The following DISP1 variants were observed in gnomAD, a reference collection of about 807,000 sequenced individuals.
DISP1 encodes protein dispatched homolog 1.
A neutral mutation model predicts 37.3 loss-of-function variants in DISP1; 30 were observed. The ratio of observed to expected loss-of-function variants is 0.80; its 90% CI spans 0.60 to 1.09. The LOEUF is 1.09. Ranked by LOEUF, DISP1 falls within the 50% of genes least tolerant of loss-of-function variation. The pLI is 0.00. For missense variants in DISP1, 1,598 were observed against 1,879.5 expected (o/e 0.85, Z 2.77); for synonymous variants, 634 against 690.2 (o/e 0.92, Z 1.28).
chr1:222,999,065 A>C (rs1679266659), intron 8 of DISP1, among the ~76,000 whole-genome samples: 1 of 152,104 alleles, frequency 6.6e-6, no homozygotes, highest in African/African-American at 2.4e-5. Flanking sequence ...AACTTAGCCA[A>C]TAGTTTTAAA....
intron 8 of DISP1, among the ~76,000 whole-genome samples, chr1:222,998,215 A>T (rs1279764469): frequency 6.6e-6 from 1 of 151,442 alleles, no homozygotes; most frequent in East Asian, 2.0e-4. Context: ...TTGTCCTAAG[A>T]CTACTTGGCA....
At chr1:222,988,952 C>T (rs1678483234) in intron 4 of DISP1, among the ~76,000 whole-genome samples, 1 of 152,186 alleles carries the variant, frequency 6.6e-6, no homozygotes, top group Non-Finnish European at 1.5e-5. Context: ...TGTGTCTGGC[C>T]TTTTAAGATT....
rs572395032 is a variant in DISP1, at chr1:222,955,315, C to T, written c.509+11983C>T. 3.0e-4 allele frequency among the ~76,000 whole-genome samples: 45 copies of T among 152,148 alleles called. No individual in the cohort carries two copies. The South Asian group carries it at 9.3e-3, about 32-fold the overall frequency. ...GGCCAGGCTGGTCTCAAACTCCTGACCTCAAGTGATCTACCTGCCTCGACC... is the reference window on the plus strand; with the variant it reads ...GGCCAGGCTGGTCTCAAACTCCTGATCTCAAGTGATCTACCTGCCTCGACC... On this transcript the variant is annotated intron_variant, in intron 3 of 8. Coordinates refer to ENST00000675850, the MANE Select transcript of DISP1 (RefSeq NM_001377229.1).
intron 1 of DISP1, among the ~76,000 whole-genome samples, chr1:222,876,888 TA>T (rs1489112622): frequency 6.6e-6 from 1 of 152,104 alleles, no homozygotes; most frequent in African/African-American, 2.4e-5. Flanking sequence ...AAAAAGCAAA[TA>T]AGACAAAATG....
intron 1 of DISP1, among the ~76,000 whole-genome samples, chr1:222,867,327 C>T (rs114112640): frequency 2.7e-3 from 413 of 152,236 alleles, no homozygotes; most frequent in African/African-American, 9.7e-3. Context: ...GATTTTTAGA[C>T]ATGCTGCTTC....
chr1:222,928,174 C>A (rs1281834215), intron 1 of DISP1, among the ~76,000 whole-genome samples: 1 of 152,160 alleles, frequency 6.6e-6, no homozygotes, highest in African/African-American at 2.4e-5. Context: ...GAAGTTATAA[C>A]TAAAAACAGT....
chr1:222,886,996 G>A (rs1449861645), intron 1 of DISP1, among the ~76,000 whole-genome samples: 1 of 152,176 alleles, frequency 6.6e-6, no homozygotes, highest in African/African-American at 2.4e-5. Context: ...CATTTCTGGG[G>A]AGGGTTTGTT....
chr1:222,946,571 T>G (rs1674797121), intron 3 of DISP1, among the ~76,000 whole-genome samples: 1 of 152,198 alleles, frequency 6.6e-6, no homozygotes, highest in Non-Finnish European at 1.5e-5. Context: ...GTTTACTGAA[T>G]TCTTATATGT....
intron 1 of DISP1, among the ~76,000 whole-genome samples, chr1:222,924,271 C>T (rs114323386): frequency 0.01 from 1,567 of 152,126 alleles, 23 homozygotes; most frequent in African/African-American, 0.036. Context: ...TTAAATAATC[C>T]AGGTTTGAGT....
chr1:222,903,612 G>A (rs755824741), intron 1 of DISP1, among the ~76,000 whole-genome samples: 5 of 151,906 alleles, frequency 3.3e-5, no homozygotes, highest in Admixed American at 6.6e-5. Context: ...GTGATGAGAG[G>A]GAAAACAAAG....
intron 1 of DISP1, among the ~76,000 whole-genome samples, chr1:222,817,399 A>G (rs1204970432): frequency 1.3e-5 from 2 of 152,246 alleles, no homozygotes; most frequent in Non-Finnish European, 2.9e-5. Flanking sequence ...AGTTTGTAAA[A>G]TACGAAATAA....
intron 1 of DISP1, among the ~76,000 whole-genome samples, chr1:222,903,101 C>T (rs1671690808): frequency 6.6e-6 from 1 of 151,588 alleles, no homozygotes; most frequent in Non-Finnish European, 1.5e-5. Context: ...CACATATACA[C>T]CATGGAATAC....
intron 1 of DISP1, among the ~76,000 whole-genome samples, chr1:222,859,814 ACT>A (rs1410915891): frequency 1.3e-5 from 2 of 152,154 alleles, no homozygotes; most frequent in Non-Finnish European, 2.9e-5. Flanking sequence ...CTCCTAGTTG[ACT>A]CTGTAACCTA....
At chr1:222,917,827 TATGGG>T (rs1324511975) in intron 1 of DISP1, among the ~76,000 whole-genome samples, 2 of 151,884 alleles carry the variant, frequency 1.3e-5, no homozygotes, top group African/African-American at 4.8e-5. Flanking sequence ...CTTGTCAAGA[TATGGG>T]AACTGAGCTT....
At position 222,964,297 on chromosome 1, in the gene DISP1, C is replaced by CAAAA. The variant is rs11434945; in HGVS notation, c.510-18771_510-18768dup. On this transcript the variant is annotated intron_variant, in intron 3 of 8. Transcript: ENST00000675850. ...CTGGCGACAGAGCGAGACTCTATCT[C>CAAAA]AAAAAAAAAAAAAAAGTGTTTGGAA... 4.9e-4 allele frequency among the ~76,000 whole-genome samples: 68 copies of CAAAA among 139,022 alleles called. 1 individual carries two copies. In the South Asian group the frequency reaches 9.6e-3, roughly 20 times the overall value. 91.2% of individuals were successfully genotyped at this position (139,022 alleles called of 152,430 possible).
chr1:222,931,286 G>GTT (rs796685873), intron 2 of DISP1, among the ~76,000 whole-genome samples: 2 of 143,834 alleles, frequency 1.4e-5, no homozygotes, highest in African/African-American at 5.1e-5. Context: ...CCTCAGTGAT[G>GTT]TTTTTTTTTT....
chr1:222,979,113 A>G (rs1677629789), intron 3 of DISP1, among the ~76,000 whole-genome samples: 1 of 152,206 alleles, frequency 6.6e-6, no homozygotes, highest in Non-Finnish European at 1.5e-5. Flanking sequence ...ACCTTGGGCT[A>G]GAATCAATAT....
chr1:222,996,309 C>A (rs974863262), intron 8 of DISP1, among the ~76,000 whole-genome samples: 1 of 152,140 alleles, frequency 6.6e-6, no homozygotes, highest in Non-Finnish European at 1.5e-5. Context: ...AAATGTGTAG[C>A]GAAATTTACT....
intron 2 of DISP1, among the ~76,000 whole-genome samples, chr1:222,935,262 G>A (rs1292487575): frequency 6.6e-6 from 1 of 152,126 alleles, no homozygotes; most frequent in South Asian, 2.1e-4. Context: ...TGACTCTTCT[G>A]AAAAAGGTGG....
Sources: allele counts gnomAD v4.1 joint callset (sites outside exome capture counted in the v4.1 genomes callset), GRCh38; gene constraint gnomAD v4.1.1; transcripts MANE v1.5; gene names NCBI Gene and HGNC (gene_info 2026-07-23, HGNC 2026-07-21).